Variants in METTL25 observed in about 807,000 individuals in gnomAD.
METTL25 encodes methyltransferase like 25.
In METTL25, 64 loss-of-function variants were observed where a neutral mutation model predicts 71.6. That is an observed-to-expected ratio of 0.89 (90% CI 0.73 to 1.10). The LOEUF (loss-of-function observed/expected upper bound fraction) is 1.10, where lower values mean the gene tolerates loss of function less well. METTL25 is among the 50% of genes least tolerant of loss of function. The pLI is 0.00. For synonymous variants in METTL25, 287 were observed against 250.3 expected, an observed-to-expected ratio of 1.15 and a Z score of -1.38; for missense variants, 807 against 707.0, an observed-to-expected ratio of 1.14 and a Z score of -1.60.
chr12:82,471,034 T>G (rs553955955), intron 9 of METTL25, among the ~76,000 whole-genome samples: 95 of 152,328 alleles, frequency 6.2e-4, no homozygotes, highest in African/African-American at 1.8e-3. Context: ...TTTTCAACAC[T>G]GTTCTGCAGA....
At chr12:82,456,501 C>G (rs1295813571) in intron 8 of METTL25, among the ~76,000 whole-genome samples, 1 of 151,918 alleles carries the variant, frequency 6.6e-6, no homozygotes, top group Admixed American at 6.6e-5. Flanking sequence ...AAACTTCTTT[C>G]TCACAGCCTT....
At chr12:82,450,350 C>T (rs1222886800) in intron 8 of METTL25, among the ~76,000 whole-genome samples, 1 of 152,142 alleles carries the variant, frequency 6.6e-6, no homozygotes, top group Non-Finnish European at 1.5e-5. Context: ...TTCTCACTGC[C>T]TAGGTTCAAT....
chr12:82,446,448 A>T lies in METTL25; in HGVS notation c.1478+7657A>T, dbSNP rs376209762. ...AAACAAGTCTCAACCAATTCAAAAA[A>T]GTAGAAATCATATCAAGTATCATTT... On this transcript the variant is annotated intron_variant, in intron 8 of 11. Coordinates refer to ENST00000248306, the MANE Select transcript of METTL25 (RefSeq NM_032230.3). Among the ~76,000 whole-genome samples the T allele has an allele frequency of 9.1e-4, 138 of 152,218 alleles. 2 individuals are homozygous for T. Among genetic ancestry groups the T allele is most frequent in the African/African-American group, 3.1e-3 (128 of 41,536 alleles).
At chr12:82,369,899 G>A (rs926762085) in intron 1 of METTL25, among the ~76,000 whole-genome samples, 2 of 152,168 alleles carry the variant, frequency 1.3e-5, no homozygotes, top group Non-Finnish European at 2.9e-5. Flanking sequence ...GTGCTGATTG[G>A]TGCGTTTTTA....
rs138211383 is a variant in METTL25, at chr12:82,464,211, C to G, written c.1572+7391C>G. ...AGAGCAATATCCTGAAGCATTTCCC[C>G]TATGTTTTCTCCTAGTAGTTTTGTT... On this transcript the variant is annotated intron_variant, in intron 9 of 11. Coordinates refer to ENST00000248306, the MANE Select transcript of METTL25 (RefSeq NM_032230.3). Among the ~76,000 whole-genome samples the G allele has an allele frequency of 9.8e-3, 1,482 of 151,886 alleles. 23 individuals are homozygous for G. The highest frequency in any genetic ancestry group is 0.034 in the African/African-American group (1,400 of 41,502).
intron 9 of METTL25, among the ~76,000 whole-genome samples, chr12:82,469,849 G>A (rs1892466408): frequency 6.6e-6 from 1 of 152,120 alleles, no homozygotes; most frequent in Admixed American, 6.6e-5. Flanking sequence ...ATTTTTCTAT[G>A]TCAGTTTCAT....
chr12:82,432,796 T>A (rs1277224459), intron 6 of METTL25, among the ~76,000 whole-genome samples: 1 of 151,012 alleles, frequency 6.6e-6, no homozygotes, highest in Non-Finnish European at 1.5e-5. Flanking sequence ...TAATATATCT[T>A]ATTTTATTGC....
chr12:82,471,580 C>G (rs912826354), intron 9 of METTL25, among the ~76,000 whole-genome samples: 1 of 152,190 alleles, frequency 6.6e-6, no homozygotes, highest in African/African-American at 2.4e-5. Context: ...AATCCTAACT[C>G]TTAACAGTAA....
intron 5 of METTL25, among the ~76,000 whole-genome samples, chr12:82,417,345 T>C (rs925321173): frequency 5.9e-5 from 9 of 152,132 alleles, no homozygotes; most frequent in Non-Finnish European, 1.2e-4. Flanking sequence ...CTTTCAACGA[T>C]GAATGAACTC....
chr12:82,433,306 T>C (rs1352218759), intron 6 of METTL25, among the ~76,000 whole-genome samples: 1 of 151,596 alleles, frequency 6.6e-6, no homozygotes. Flanking sequence ...AAATCTAATC[T>C]GAAATTAGCA....
intron 6 of METTL25, among the ~76,000 whole-genome samples, chr12:82,433,203 G>A (rs978225599): frequency 2.6e-5 from 4 of 151,138 alleles, no homozygotes; most frequent in African/African-American, 9.7e-5. Flanking sequence ...GCAGTCTTGG[G>A]GTATATGATA....
At chr12:82,371,055 A>G (rs1025039307) in intron 1 of METTL25, among the ~76,000 whole-genome samples, 2 of 152,240 alleles carry the variant, frequency 1.3e-5, no homozygotes, top group African/African-American at 4.8e-5. Context: ...CACACTTACT[A>G]TCTGTAGCAA....
intron 5 of METTL25, among the ~76,000 whole-genome samples, chr12:82,424,898 A>C (rs2137121076): frequency 6.6e-6 from 1 of 152,160 alleles, no homozygotes; most frequent in East Asian, 1.9e-4. Flanking sequence ...ACAATGAAGT[A>C]TTCTTCCCTA....
chr12:82,358,892 C>T (rs529309144), intron 1 of METTL25, 68 bp downstream of exon 1: 5 of 1,536,366 alleles, frequency 3.3e-6, no homozygotes, highest in East Asian at 4.9e-5. Flanking sequence ...GAAGCGAGCC[C>T]CCTGGTGGAA....
intron 8 of METTL25, among the ~76,000 whole-genome samples, chr12:82,446,611 CTT>C (rs1033730185): frequency 2.8e-4 from 38 of 134,254 alleles, no homozygotes; most frequent in African/African-American, 2.7e-4. Context: ...TTTAAAATTT[CTT>C]TTTTTTTTTT....
rs113603653 is a variant in METTL25, at chr12:82,473,940, G to C, written c.1573-2704G>C. 4.0e-3 allele frequency among the ~76,000 whole-genome samples: 616 copies of C among 152,284 alleles called. 3 individuals carry two copies. The highest frequency in any genetic ancestry group is 0.014 in the African/African-American group (591 of 41,564). On this transcript the variant is annotated intron_variant, in intron 9 of 11. Coordinates refer to ENST00000248306, the MANE Select transcript of METTL25 (RefSeq NM_032230.3). The stretch of plus-strand genomic sequence containing the variant: ...ATGAAGATAGAACCCCAGTGGTGTA[G>C]AGGTAGTGTTACTGACTTTCAGAGC...
chr12:82,430,706 C>T (rs577653227), intron 5 of METTL25, among the ~76,000 whole-genome samples, 187 bp from the exon 6 acceptor site: 4 of 151,582 alleles, frequency 2.6e-5, no homozygotes, highest in Non-Finnish European at 5.9e-5. Context: ...TGAGCAAATA[C>T]CATTTTCATA....
At chr12:82,387,946 A>AT (rs140938689) in intron 2 of METTL25, among the ~76,000 whole-genome samples, 2,611 of 150,998 alleles carry the variant, frequency 0.017, 69 homozygotes, top group African/African-American at 0.06. Flanking sequence ...TTTTAGAGCC[A>AT]TTTTTTTTTC....
intron 2 of METTL25, among the ~76,000 whole-genome samples, chr12:82,389,464 C>G (rs886362178): frequency 6.6e-6 from 1 of 151,996 alleles, no homozygotes; most frequent in Non-Finnish European, 1.5e-5. Context: ...TTCTTAGATA[C>G]AAATTCTCTG....
Sources: allele counts gnomAD v4.1 joint callset (sites outside exome capture counted in the v4.1 genomes callset), GRCh38; gene constraint gnomAD v4.1.1; transcripts MANE v1.5; gene names NCBI Gene and HGNC (gene_info 2026-07-23, HGNC 2026-07-21).